Variants in UST observed in about 807,000 individuals in gnomAD.
UST encodes uronyl 2-sulfotransferase.
UST carries 21 observed loss-of-function variants against 45.6 expected under a neutral mutation model. The ratio of observed to expected loss-of-function variants is 0.46; its 90% CI spans 0.33 to 0.66. The LOEUF (loss-of-function observed/expected upper bound fraction) is 0.66, where lower values mean the gene tolerates loss of function less well. Ranked by LOEUF, UST falls within the 30% of genes least tolerant of loss-of-function variation. The pLI is 0.02. For synonymous variants in UST, 215 were observed against 200.6 expected (o/e 1.07, Z -0.61); for missense variants, 463 against 512.4 (o/e 0.90, Z 0.93).
chr6:149,064,782 C>G (rs1776708580), intron 7 of UST, among the ~76,000 whole-genome samples: 1 of 152,048 alleles, frequency 6.6e-6, no homozygotes, highest in Non-Finnish European at 1.5e-5. Context: ...GCCTCTTTCA[C>G]GGGGGCAGTC....
At chr6:149,037,320 T>C (rs922967353) in intron 7 of UST, among the ~76,000 whole-genome samples, 4 of 152,234 alleles carry the variant, frequency 2.6e-5, no homozygotes, top group African/African-American at 9.7e-5. Context: ...TTGAGTTTTT[T>C]CCCCTCTCTA....
intron 1 of UST, among the ~76,000 whole-genome samples, chr6:148,813,701 A>G (rs922180330): frequency 6.6e-6 from 1 of 152,180 alleles, no homozygotes; most frequent in African/African-American, 2.4e-5. Flanking sequence ...TTAATTGGCA[A>G]GAAACTTGAC....
intron 5 of UST, among the ~76,000 whole-genome samples, chr6:148,982,535 A>G (rs1562320307): frequency 6.6e-6 from 1 of 152,192 alleles, no homozygotes; most frequent in Non-Finnish European, 1.5e-5. Context: ...CATTGAAACC[A>G]TAGTAGGATG....
chr6:148,908,073 T>C (rs1029468849), intron 2 of UST, among the ~76,000 whole-genome samples: 11 of 152,076 alleles, frequency 7.2e-5, no homozygotes, highest in Admixed American at 4.6e-4. Context: ...CATGCCCAGC[T>C]AATTTTTGTA....
intron 1 of UST, among the ~76,000 whole-genome samples, chr6:148,851,748 G>A (rs1034394463): frequency 1.3e-5 from 2 of 152,190 alleles, no homozygotes; most frequent in Middle Eastern, 3.2e-3. Flanking sequence ...ATCTGGGTTC[G>A]TGCAATTTTT....
intron 1 of UST, among the ~76,000 whole-genome samples, chr6:148,770,713 T>A (rs1776409606): frequency 6.6e-6 from 1 of 152,104 alleles, no homozygotes. Flanking sequence ...GTGCACCTCT[T>A]CCCTCTCCTG....
chr6:148,969,775 G>A (rs1780877244), intron 5 of UST, among the ~76,000 whole-genome samples: 1 of 152,160 alleles, frequency 6.6e-6, no homozygotes, highest in Non-Finnish European at 1.5e-5. Flanking sequence ...TTCTGCTGTG[G>A]TCTCAAATTG....
At chr6:149,036,065 C>T (rs544897863) in intron 7 of UST, among the ~76,000 whole-genome samples, 1 of 152,310 alleles carries the variant, frequency 6.6e-6, no homozygotes, top group South Asian at 2.1e-4. Flanking sequence ...CCAGTTTCCC[C>T]AGTGCTGGGA....
At chr6:148,822,595 C>G (rs1777488445) in intron 1 of UST, among the ~76,000 whole-genome samples, 1 of 152,166 alleles carries the variant, frequency 6.6e-6, no homozygotes, top group Non-Finnish European at 1.5e-5. Context: ...TGCATTGTCT[C>G]AAGGCAGGTT....
chr6:148,862,844 G>C (rs1030299038), intron 1 of UST, among the ~76,000 whole-genome samples: 44 of 152,332 alleles, frequency 2.9e-4, no homozygotes, highest in Middle Eastern at 6.8e-3. Context: ...CTTCTGGCTT[G>C]TAGAGTTTCT....
At chr6:149,036,930 A>G (rs1776247097) in intron 7 of UST, among the ~76,000 whole-genome samples, 1 of 152,236 alleles carries the variant, frequency 6.6e-6, no homozygotes, top group South Asian at 2.1e-4. Flanking sequence ...ATAAGAACTG[A>G]TAAAAACAGA....
intron 1 of UST, among the ~76,000 whole-genome samples, chr6:148,814,489 A>AG (rs1163206287): frequency 6.6e-6 from 1 of 152,140 alleles, no homozygotes; most frequent in Admixed American, 6.5e-5. Context: ...ATTAAAAAAA[A>AG]AATCATGCCA....
chr6:149,057,992 G>A (rs1776593330), intron 7 of UST, among the ~76,000 whole-genome samples: 1 of 152,038 alleles, frequency 6.6e-6, no homozygotes, highest in African/African-American at 2.4e-5. Flanking sequence ...ATGTATACAT[G>A]TACATAGTAT....
intron 1 of UST, among the ~76,000 whole-genome samples, chr6:148,885,874 A>G (rs951739735): frequency 1.3e-5 from 2 of 152,108 alleles, no homozygotes; most frequent in African/African-American, 2.4e-5. Flanking sequence ...TTATCCCCCA[A>G]TCATCTACTG....
chr6:148,849,730 G>A (rs1460027228), intron 1 of UST, among the ~76,000 whole-genome samples: 4 of 152,122 alleles, frequency 2.6e-5, no homozygotes, highest in African/African-American at 4.8e-5. Context: ...ACTATCATGA[G>A]AACAGCATGG....
At chr6:149,037,701 G>A (rs145576745) in intron 7 of UST, among the ~76,000 whole-genome samples, 1 of 152,252 alleles carries the variant, frequency 6.6e-6, no homozygotes, top group Non-Finnish European at 1.5e-5. Context: ...GACGAGATAA[G>A]GGCAGAAATT....
chr6:148,988,340 A>G (rs1781273788), intron 5 of UST, among the ~76,000 whole-genome samples: 1 of 152,060 alleles, frequency 6.6e-6, no homozygotes, highest in South Asian at 2.1e-4. Flanking sequence ...TTGGGAGGTC[A>G]AAGCGGGTGA....
chr6:148,808,191 G>A (rs1777186907), intron 1 of UST, among the ~76,000 whole-genome samples: 1 of 152,176 alleles, frequency 6.6e-6, no homozygotes, highest in Admixed American at 6.5e-5. Flanking sequence ...CACACAGAAA[G>A]GGTGCTCCAG....
intron 1 of UST, among the ~76,000 whole-genome samples, chr6:148,783,225 G>A (rs1317362871): frequency 6.6e-6 from 1 of 152,120 alleles, no homozygotes; most frequent in Non-Finnish European, 1.5e-5. Context: ...AGATATAAGT[G>A]TATTATTGCA....
Sources: gnomAD v4.1 joint callset for allele counts (sites outside exome capture counted in the v4.1 genomes callset) on GRCh38, gnomAD v4.1.1 for gene constraint, MANE v1.5 for transcripts, NCBI Gene and HGNC (gene_info 2026-07-23, HGNC 2026-07-21) for gene names.